The following ARFGEF3 variants were observed in gnomAD, a reference collection of about 807,000 sequenced individuals.
The protein encoded by ARFGEF3 is ARFGEF family member 3, also known as brefeldin A-inhibited guanine nucleotide-exchange protein 3.
ARFGEF3 carries 96 observed loss-of-function variants against 221.7 expected under a neutral mutation model. The observed-to-expected ratio is 0.43, with a 90% confidence interval of 0.37 to 0.51. The LOEUF (loss-of-function observed/expected upper bound fraction) is 0.51. Among genes scored for constraint, ARFGEF3 ranks in the 20% least tolerant of loss-of-function variants. The probability of loss-of-function intolerance (pLI) is 0.00; values close to 1 mark genes in which losing one functional copy is unlikely to be tolerated. For synonymous variants in ARFGEF3, 1,145 were observed against 1,126.8 expected (o/e 1.02, Z -0.32); for missense variants, 2,410 against 2,789.9 (o/e 0.86, Z 3.07).
At chr6:138,293,871 T>A (rs1779458879) in intron 19 of ARFGEF3, 122 bp from the exon 20 acceptor site, 2 of 906,574 alleles carry the variant, frequency 2.2e-6, no homozygotes, top group African/African-American at 3.3e-5. Flanking sequence ...TACCATACAT[T>A]TGTCTACAGT....
intron 8 of ARFGEF3, among the ~76,000 whole-genome samples, chr6:138,247,892 T>C (rs1778514358): frequency 6.6e-6 from 1 of 152,164 alleles, no homozygotes; most frequent in South Asian, 2.1e-4. Flanking sequence ...ACAGGATTCA[T>C]TTTAGTAACT....
intron 12 of ARFGEF3, among the ~76,000 whole-genome samples, chr6:138,274,332 A>G (rs1238421859): frequency 6.6e-6 from 1 of 152,306 alleles, no homozygotes; most frequent in Non-Finnish European, 1.5e-5. Context: ...TTTACCATGG[A>G]AGGAGACTGG....
chr6:138,292,242 G>A (rs1160944197), intron 19 of ARFGEF3, among the ~76,000 whole-genome samples, 189 bp downstream of exon 19: 1 of 152,182 alleles, frequency 6.6e-6, no homozygotes, highest in Non-Finnish European at 1.5e-5. Flanking sequence ...TACTAACACT[G>A]GAGGGTCTGA....
At position 138,229,855 on chromosome 6, in the gene ARFGEF3, G is replaced by T. The variant is rs1380231564; in HGVS notation, c.420+3G>T. ...GTGCCGTGCTGAAGATCGCGGAGGT[G>T]AGTACTGCTTGTGTCTGTGCCTCCT... On this transcript the variant is annotated splice_donor_region_variant and intron_variant, in intron 5 of 33. Transcript: ENST00000251691. The T allele has an allele frequency of 1.2e-6, 2 of 1,612,862 alleles. No individual in the cohort carries two copies. The highest frequency in any genetic ancestry group is 4.5e-5 in the East Asian group (2 of 44,868).
intron 10 of ARFGEF3, among the ~76,000 whole-genome samples, chr6:138,258,322 C>T (rs759942214): frequency 1.4e-4 from 22 of 152,114 alleles, no homozygotes; most frequent in Non-Finnish European, 2.9e-4. Context: ...GGCTAGATAC[C>T]GCTGCCACTT....
chr6:138,307,461 T>A, intron 23 of ARFGEF3, 64 bp downstream of exon 23: 7 of 1,247,100 alleles, frequency 5.6e-6, no homozygotes, highest in South Asian at 1.5e-5. Flanking sequence ...TTCATGCTAT[T>A]AAAAAAAAAA....
chr6:138,297,866 C>T (rs1180393189), intron 21 of ARFGEF3, among the ~76,000 whole-genome samples: 2 of 152,120 alleles, frequency 1.3e-5, no homozygotes, highest in Non-Finnish European at 1.5e-5. Context: ...CTATGGTCAG[C>T]TGGTGCAAAG....
chr6:138,334,875 G>A lies in ARFGEF3; in HGVS notation c.6029G>A (p.Gly2010Glu). ...AAGAAGGAGTGGTGGGAGAATGCGG[G>A]GAACAAAATCTACACCATGGCAGCC... ...SRKKEWWENA[G>E]NKIYTMAADK... The change falls in exon 33 of 34, where the codon GGG becomes GAG. Residue 2010 changes from glycine to glutamate, a missense_variant. By Grantham distance (98) the Gly-to-Glu change is moderately conservative (BLOSUM62 -2). Coordinates refer to ENST00000251691, the MANE Select transcript of ARFGEF3 (RefSeq NM_020340.5). This position sits in a 1 kb window ranked among gnomAD's most constrained non-coding sequence, Gnocchi z 5.1. 1 of 1,590,420 alleles carries A rather than the reference G, an allele frequency of 6.3e-7. No homozygotes were observed. Among genetic ancestry groups the A allele is most frequent in the East Asian group, 2.3e-5 (1 of 43,672 alleles).
At position 138,287,092 on chromosome 6, in the gene ARFGEF3, C is replaced by T. The variant is rs1779311785; in HGVS notation, c.2804C>T (p.Ala935Val). 6.4e-7 allele frequency: 1 copy of T among 1,574,772 alleles called. No homozygotes were observed. Among genetic ancestry groups the T allele is most frequent in the South Asian group, 1.2e-5 (1 of 85,896 alleles). The change falls in exon 17 of 34, where the codon GCC (alanine) becomes GTC (valine). Residue 935 changes from alanine to valine, a missense_variant. By Grantham distance (64) the Ala-to-Val change is moderately conservative. Transcript: ENST00000251691. ...TCTGAAGGCGTTGCTGCTAACTGCG[C>T]CTCAGCCCTTGCCCAGATGGCAGCT... ...SCALGVAANC[A>V]SALAQMAAAS...
At position 138,262,706 on chromosome 6, in the gene ARFGEF3, T is replaced by C. The variant is rs1778815595; in HGVS notation, c.1223T>C (p.Met408Thr). Reference sequence around the variant, plus strand: ...CTCTTTTGAACACTGTTTAGCATCATGGATGGCATGACCGAAGCATGCATC... The same window carrying C: ...CTCTTTTGAACACTGTTTAGCATCACGGATGGCATGACCGAAGCATGCATC... ...KSHLDLLKLI[M>T]DGMTEACIKG... Residue 408 changes from methionine to threonine, a missense_variant, in exon 12 of 34, where the codon ATG becomes ACG. Physicochemically the swap from Met to Thr is moderately conservative, Grantham distance 81. Coordinates refer to ENST00000251691, the MANE Select transcript of ARFGEF3 (RefSeq NM_020340.5). 1.9e-6 allele frequency: 3 copies of C among 1,601,030 alleles called. No homozygotes were observed. Among genetic ancestry groups the C allele is most frequent in the African/African-American group, 1.3e-5 (1 of 74,718 alleles).
chr6:138,252,015 G>A (rs930510233), intron 8 of ARFGEF3, among the ~76,000 whole-genome samples: 1 of 152,150 alleles, frequency 6.6e-6, no homozygotes, highest in African/African-American at 2.4e-5. Flanking sequence ...CCTGGCTCAA[G>A]AATGGCTCAT....
rs201078670 is a variant in ARFGEF3 at position 138,238,470 on chromosome 6, C to A, written c.421-39C>A. The stretch of plus-strand genomic sequence containing the variant: ...AAAGAATGTTGGTAATAAGCTGATA[C>A]CTGCAGACATGTGTGTTGCTGTCTT... On this transcript the variant is annotated intron_variant, in intron 5 of 33. Transcript: ENST00000251691. The A allele has an allele frequency of 8.2e-6, 13 of 1,593,958 alleles. No individual in the cohort carries two copies. The East Asian group carries it at 1.6e-4, about 19-fold the overall frequency.
chr6:138,200,641 G>A (rs139124070), intron 2 of ARFGEF3, among the ~76,000 whole-genome samples: 1 of 152,106 alleles, frequency 6.6e-6, no homozygotes, highest in Non-Finnish European at 1.5e-5. Flanking sequence ...AATGAAACTG[G>A]ATCCTCATCT....
At chr6:138,194,228 A>G (rs554947691) in intron 2 of ARFGEF3, among the ~76,000 whole-genome samples, 1 of 150,812 alleles carries the variant, frequency 6.6e-6, no homozygotes, top group Admixed American at 6.7e-5. Flanking sequence ...AGATCATGCT[A>G]CTGCACTCCA....
chr6:138,263,593 G>T lies in ARFGEF3; in HGVS notation c.2110G>T (p.Ala704Ser), dbSNP rs752657686. The change falls in exon 12 of 34, where the codon GCC becomes TCC. Residue 704 changes from alanine to serine, a missense_variant. Ala to Ser is a moderately conservative substitution (Grantham distance 99). Coordinates refer to ENST00000251691, the MANE Select transcript of ARFGEF3 (RefSeq NM_020340.5). Reference protein sequence around the residue: ...EEVDTALQNFASTFCSGMMHS... With the variant: ...EEVDTALQNFSSTFCSGMMHS... ...GGTGGACACCGCTCTGCAGAACTTT[G>T]CCTCTACTTTCTGCTCAGGTTTGTA... 8.1e-6 allele frequency: 13 copies of T among 1,601,292 alleles called. 1 individual carries two copies. In the Admixed American group the frequency reaches 1.0e-4, roughly 12 times the overall value.
intron 23 of ARFGEF3, among the ~76,000 whole-genome samples, chr6:138,308,196 C>T (rs1427980219): frequency 2.0e-5 from 3 of 152,210 alleles, no homozygotes; most frequent in South Asian, 2.1e-4. Context: ...CACCATAAAC[C>T]GTATGGTTTG....
intron 22 of ARFGEF3, among the ~76,000 whole-genome samples, chr6:138,304,503 A>G (rs1779685186): frequency 6.6e-6 from 1 of 152,210 alleles, no homozygotes; most frequent in African/African-American, 2.4e-5. Flanking sequence ...TAAAAGAAAA[A>G]TGTATGTATA....
chr6:138,182,425 A>G (rs1046043787), intron 2 of ARFGEF3, among the ~76,000 whole-genome samples: 3 of 152,204 alleles, frequency 2.0e-5, no homozygotes, highest in African/African-American at 7.2e-5. Context: ...ACTTACCAAT[A>G]AAGGATTATG....
chr6:138,218,396 A>G (rs1777915820), intron 4 of ARFGEF3: 1 of 1,531,092 alleles, frequency 6.5e-7, no homozygotes, highest in African/African-American at 1.4e-5. Context: ...AGGCCCTCAT[A>G]TTTACTACTG....
Sources: gnomAD v4.1 joint callset for allele counts (sites outside exome capture counted in the v4.1 genomes callset) on GRCh38, gnomAD v4.1.1 for gene constraint, Gnocchi (gnomAD v3.1) non-coding constraint, MANE v1.5 for transcripts, NCBI Gene and HGNC (gene_info 2026-07-23, HGNC 2026-07-21) for gene names.